EXOSC5: variants seen among roughly 807,000 people sequenced by gnomAD.
EXOSC5 encodes the protein exosome complex component RRP46.
A neutral mutation model predicts 23.7 loss-of-function variants in EXOSC5; 15 were observed. The observed-to-expected ratio is 0.63, with a 90% CI of 0.42 to 0.97. The LOEUF (loss-of-function observed/expected upper bound fraction) is 0.97. EXOSC5 is among the 50% of genes least tolerant of loss of function. The pLI, the probability that EXOSC5 is intolerant of heterozygous loss-of-function variation, is 0.00. For missense variants in EXOSC5, 305 were observed against 316.3 expected (o/e 0.96, Z 0.27); for synonymous variants, 143 against 140.9 (o/e 1.02, Z -0.11).
chr19:41,394,985 G>T (rs909448903), intron 1 of EXOSC5, among the ~76,000 whole-genome samples: 1 of 146,508 alleles, frequency 6.8e-6, no homozygotes, highest in African/African-American at 2.5e-5. Flanking sequence ...AGTGAGCCAC[G>T]ATCACTTCAC....
rs566406781 is a variant in EXOSC5, at chr19:41,393,871, C to T, written c.149-891G>A. On this transcript the variant is annotated intron_variant, in intron 1 of 5. Transcript: ENST00000221233. Reference sequence around the variant, plus strand: ...CCCGGCTGGTATTAGTAACTTTTAACAGGAAGTTCTTCCTGAAAGCTAACC... The same window carrying T: ...CCCGGCTGGTATTAGTAACTTTTAATAGGAAGTTCTTCCTGAAAGCTAACC... Among the ~76,000 whole-genome samples, 15 of 152,170 alleles carry T rather than the reference C, an allele frequency of 9.9e-5. No homozygotes were observed. The East Asian group carries it at 1.2e-3, about 12-fold the overall frequency.
At chr19:41,392,571 G>A (rs145977122) in intron 2 of EXOSC5, among the ~76,000 whole-genome samples, 4,727 of 151,500 alleles carry the variant, frequency 0.031, 230 homozygotes, top group African/African-American at 0.11. Flanking sequence ...GTGACAGAGC[G>A]AGACACTGTC....
chr19:41,391,606 C>T (rs2039022847), intron 3 of EXOSC5: 2 of 469,238 alleles, frequency 4.3e-6, no homozygotes, highest in East Asian at 7.3e-5. Flanking sequence ...GGCTCTGCCA[C>T]TTCCACGGGG....
chr19:41,391,703 G>T, intron 3 of EXOSC5, 138 bp downstream of exon 3: 1 of 1,209,992 alleles, frequency 8.3e-7, no homozygotes, highest in Non-Finnish European at 1.1e-6. Context: ...CACCCAGGCT[G>T]TTTGCTCTCC....
intron 4 of EXOSC5, among the ~76,000 whole-genome samples, chr19:41,388,005 TC>T (rs944449668): frequency 6.6e-5 from 10 of 152,154 alleles, no homozygotes; most frequent in African/African-American, 2.4e-4. Context: ...CTGAGGGGAC[TC>T]CGGACCCTTG....
rs1599944466 is a variant in EXOSC5, at chr19:41,397,344, T to A, written c.-16A>T. 12 of 1,587,424 alleles carry A rather than the reference T, an allele frequency of 7.6e-6. No homozygotes were observed. The highest frequency in any genetic ancestry group is 6.9e-6 in the Non-Finnish European group (8 of 1,163,420). On this transcript the variant is annotated 5_prime_UTR_variant, in exon 1 of 6. Coordinates refer to ENST00000221233, the MANE Select transcript of EXOSC5 (RefSeq NM_020158.4). ...CCTCCTCCATCGCGCCGAGCCCACG[T>A]GCGGCTGCAGTTGTCACTTCCGCCT...
rs747178979 is a variant in EXOSC5 at position 41,397,296 on chromosome 19, G to A, written c.33C>T (p.Ile11=). 1 of 1,613,996 alleles carries A rather than the reference G, an allele frequency of 6.2e-7. No homozygotes were observed. The highest frequency in any genetic ancestry group is 1.7e-5 in the Admixed American group (1 of 60,022). Residue 11 remains isoleucine (I), a synonymous_variant, in exon 1 of 6, where the codon ATC becomes ATT. Coordinates refer to ENST00000221233, the MANE Select transcript of EXOSC5 (RefSeq NM_020158.4). MEEETHTDAK[I]RAENGTGSSP... Reference sequence around the variant, plus strand: ...TGGACCCTGTTCCATTTTCAGCACGGATTTTGGCGTCAGTATGCGTCTCCT... The same window carrying A: ...TGGACCCTGTTCCATTTTCAGCACGAATTTTGGCGTCAGTATGCGTCTCCT...
At chr19:41,397,045 A>T in intron 1 of EXOSC5, 136 bp downstream of exon 1, 1 of 940,432 alleles carries the variant, frequency 1.1e-6, no homozygotes, top group Non-Finnish European at 1.6e-6. Flanking sequence ...CGTATTTAGT[A>T]GTATTCAATC....
chr19:41,397,073 T>C, intron 1 of EXOSC5, 108 bp downstream of exon 1: 1 of 1,295,356 alleles, frequency 7.7e-7, no homozygotes, highest in South Asian at 1.5e-5. Context: ...AAATCATGCA[T>C]CAACGCAGGA....
chr19:41,386,653 T>C lies in EXOSC5; in HGVS notation c.688A>G (p.Arg230Gly). ...VFRFYRESLQRRYSKS is the reference protein window; with the variant it reads ...VFRFYRESLQGRYSKS ...TTGCCTCAGCTCTTGGAGTAACGCC[T>C]CTGCAGCGATTCCCGGTAGAAACGG... Residue 230 changes from arginine (R) to glycine (G), a missense_variant, in exon 6 of 6, where the codon AGG becomes GGG. Physicochemically the swap from Arg to Gly is moderately radical, Grantham distance 125 (BLOSUM62 -2). Coordinates refer to ENST00000221233, the MANE Select transcript of EXOSC5 (RefSeq NM_020158.4). 6.3e-7 allele frequency: 1 copy of C among 1,596,730 alleles called. No individual in the cohort carries two copies. The highest frequency in any genetic ancestry group is 8.5e-7 in the Non-Finnish European group (1 of 1,171,842).
chr19:41,395,145 C>G (rs1350389852), intron 1 of EXOSC5, among the ~76,000 whole-genome samples: 1 of 152,080 alleles, frequency 6.6e-6, no homozygotes, highest in South Asian at 2.1e-4. Flanking sequence ...TTCTTACGTT[C>G]GAAGAAACTT....
chr19:41,386,987 C>T (rs1434959945), intron 5 of EXOSC5, among the ~76,000 whole-genome samples: 8 of 152,182 alleles, frequency 5.3e-5, no homozygotes, highest in Admixed American at 3.3e-4. Context: ...CATCCTCACA[C>T]CTTGGAGGAG....
chr19:41,397,006 G>C (rs1489705181), intron 1 of EXOSC5, among the ~76,000 whole-genome samples, 175 bp downstream of exon 1: 1 of 152,098 alleles, frequency 6.6e-6, no homozygotes, highest in Admixed American at 6.5e-5. Flanking sequence ...CTCCTTTCTA[G>C]TCGTGAGGGA....
intron 3 of EXOSC5, among the ~76,000 whole-genome samples, chr19:41,391,007 C>T (rs2039019292): frequency 6.6e-6 from 1 of 152,200 alleles, no homozygotes; most frequent in Non-Finnish European, 1.5e-5. Context: ...GCTCCTGACT[C>T]AGCTGCTGTC....
chr19:41,392,922 C>G lies in EXOSC5; in HGVS notation c.207G>C (p.Glu69Asp). 1.2e-6 allele frequency: 2 copies of G among 1,613,892 alleles called. No homozygotes were observed. Among genetic ancestry groups the G allele is most frequent in the Non-Finnish European group, 1.7e-6 (2 of 1,180,030 alleles). The change falls in exon 2 of 6, where the codon GAG becomes GAC. Residue 69 changes from glutamate to aspartate, a missense_variant. Glu to Asp is a conservative substitution (Grantham distance 45). Transcript: ENST00000221233. ...CTTCGAGTGTGGCCTTGTTGAAAAT[C>G]TCTTTGCTGACCTTCACCTCGGCCG... is the stretch of plus-strand genomic sequence containing the variant. Reference protein sequence around the residue: ...YGPAEVKVSKEIFNKATLEVI... With the variant: ...YGPAEVKVSKDIFNKATLEVI...
intron 4 of EXOSC5, among the ~76,000 whole-genome samples, chr19:41,389,339 C>T (rs1487080469): frequency 6.6e-6 from 1 of 152,124 alleles, no homozygotes; most frequent in African/African-American, 2.4e-5. Context: ...GATCTCGGCT[C>T]ACCACAACCT....
chr19:41,387,609 G>A lies in EXOSC5; in HGVS notation c.526-6C>T, dbSNP rs370313944. On this transcript the variant is annotated splice_polypyrimidine_tract_variant and splice_region_variant and intron_variant, in intron 4 of 5. Transcript: ENST00000221233. ...GTCAGGACTGCCCGGGCCTCCTAGG[G>A]ACAAGGGGTAGAAGGCGGTGGGGGA... 6.3e-6 allele frequency: 10 copies of A among 1,587,262 alleles called. No individual in the cohort carries two copies. The highest frequency in any genetic ancestry group is 8.6e-6 in the Non-Finnish European group (10 of 1,168,842).
chr19:41,391,225 C>T (rs112164199), intron 3 of EXOSC5, among the ~76,000 whole-genome samples: 1,719 of 152,230 alleles, frequency 0.011, 32 homozygotes, highest in African/African-American at 0.039. Flanking sequence ...ATTAGCCTGG[C>T]GTGGTGGCAG....
At chr19:41,392,810 G>C in intron 2 of EXOSC5, 57 bp downstream of exon 2, 2 of 1,488,956 alleles carry the variant, frequency 1.3e-6, no homozygotes, top group South Asian at 1.1e-5. Flanking sequence ...GGGAGGAGCT[G>C]GGGGGGTGAT....
Sources: allele counts gnomAD v4.1 joint callset (sites outside exome capture counted in the v4.1 genomes callset), GRCh38; gene constraint gnomAD v4.1.1; transcripts MANE v1.5; gene names NCBI Gene and HGNC (gene_info 2026-07-23, HGNC 2026-07-21).